Variants in PSTPIP1 observed in about 807,000 individuals in gnomAD.
The protein encoded by PSTPIP1 is proline-serine-threonine phosphatase-interacting protein 1.
In PSTPIP1, 66 loss-of-function variants were observed where a neutral mutation model predicts 69.6. That is an observed-to-expected ratio of 0.95 (90% CI 0.78 to 1.16). The LOEUF (loss-of-function observed/expected upper bound fraction) is 1.16, where lower values mean the gene tolerates loss of function less well. Ranked by LOEUF, PSTPIP1 falls within the 50% of genes most tolerant of loss-of-function variation. The pLI, the probability that PSTPIP1 is intolerant of heterozygous loss-of-function variation, is 0.00. For missense variants in PSTPIP1, 603 were observed against 557.4 expected, an observed-to-expected ratio of 1.08 and a Z score of -0.82; for synonymous variants, 266 against 222.7, an observed-to-expected ratio of 1.19 and a Z score of -1.73.
At chr15:77,025,213 C>G in intron 3 of PSTPIP1, 71 bp from the exon 4 acceptor site, 2 of 1,513,558 alleles carry the variant, frequency 1.3e-6, no homozygotes, top group Non-Finnish European at 1.8e-6. Context: ...CCCACCCCGC[C>G]GGGAGGCAGC....
At chr15:76,995,008 A>T, upstream of PSTPIP1, 1 of 1,184,712 alleles carries the variant, frequency 8.4e-7, no homozygotes, top group Non-Finnish European at 1.1e-6. Flanking sequence ...GCACCTCGGG[A>T]GGGGGCAAGC....
At position 77,018,201 on chromosome 15, in the gene PSTPIP1, G is replaced by C; in HGVS notation, c.90G>C (p.Leu30=). 6.3e-7 allele frequency: 1 copy of C among 1,590,038 alleles called. No homozygotes were observed. The highest frequency in any genetic ancestry group is 8.6e-7 in the Non-Finnish European group (1 of 1,169,280). The change falls in exon 2 of 15, where the codon CTG becomes CTC. Residue 30 remains leucine (L), a synonymous_variant. Coordinates refer to ENST00000558012, the MANE Select transcript of PSTPIP1 (RefSeq NM_003978.5). The part of the protein sequence containing the change: ...TGYEVLLQRL[L]DGRKMCKDME... ...ACGAGGTGCTGCTGCAGCGGCTTCT[G>C]GATGGCAGGAAGATGTGCAAAGACA... is the stretch of plus-strand genomic sequence containing the variant.
At chr15:77,032,524 G>A in intron 11 of PSTPIP1, 130 bp downstream of exon 11, 2 of 1,008,988 alleles carry the variant, frequency 2.0e-6, no homozygotes, top group African/African-American at 1.6e-5. Context: ...AGAAGCCCTA[G>A]CAGGGGTTGT....
At chr15:77,004,702 G>A (rs2075780171) in intron 1 of PSTPIP1, among the ~76,000 whole-genome samples, 2 of 117,920 alleles carry the variant, frequency 1.7e-5, no homozygotes, top group South Asian at 5.5e-4. Context: ...AAAAAAAAAA[G>A]TACAAAAATT....
In PSTPIP1 at chr15:77,030,581, G is replaced by C. The variant is rs2076390591; in HGVS notation, c.642G>C (p.Glu214Asp). 6.3e-7 allele frequency: 1 copy of C among 1,596,956 alleles called. No homozygotes were observed. The highest frequency in any genetic ancestry group is 8.6e-7 in the Non-Finnish European group (1 of 1,166,898). Residue 214 changes from glutamate (E) to aspartate (D), a missense_variant and splice_region_variant, in exon 9 of 15, where the codon GAG becomes GAC. Coordinates refer to ENST00000558012, the MANE Select transcript of PSTPIP1 (RefSeq NM_003978.5). Reference sequence around the variant, plus strand: ...AGCAGGAGCACCGGACCACCTGTGAGGTGAGTGGCCCACGTGGAGCCTCGT... The same window carrying C: ...AGCAGGAGCACCGGACCACCTGTGACGTGAGTGGCCCACGTGGAGCCTCGT... ...EWEQEHRTTC[E>D]AFQLQEFDRL... is the part of the protein sequence containing the mutation.
rs750572947 is a variant in PSTPIP1, at chr15:77,037,147, G to A, written c.1222G>A (p.Val408Ile). 6.3e-5 allele frequency: 101 copies of A among 1,611,014 alleles called. 1 individual carries two copies. Among genetic ancestry groups the A allele is most frequent in the South Asian group, 5.7e-4 (52 of 90,928 alleles). ...GGAGAGGAACGGGCAGCGTGGCTTC[G>A]TCCCTGGTTCCTACCTGGAGAAGCT... ...TVERNGQRGF[V>I]PGSYLEKL The change falls in exon 15 of 15, where the codon GTC (valine) becomes ATC (isoleucine). Residue 408 changes from valine (V) to isoleucine (I), a missense_variant. Physicochemically the swap from Val to Ile is conservative, Grantham distance 29. Coordinates refer to ENST00000558012, the MANE Select transcript of PSTPIP1 (RefSeq NM_003978.5).
intron 1 of PSTPIP1, among the ~76,000 whole-genome samples, chr15:77,005,308 C>A (rs1368642893): frequency 6.6e-6 from 1 of 152,150 alleles, no homozygotes; most frequent in African/African-American, 2.4e-5. Flanking sequence ...ATTGCTTGAA[C>A]CTGGGAGGCA....
Position 77,030,668 on chromosome 15 carries a change from T to C in PSTPIP1, c.642+87T>C, listed in dbSNP as rs2469237. The C allele has an allele frequency of 1, 1,324,926 of 1,329,206 alleles. 660,432 individuals are homozygous for C. The highest frequency in any genetic ancestry group is 1 in the East Asian group (39,768 of 39,768). The allele number at this position is 1,329,206 out of a possible 1,614,324, so 82.3% of individuals were successfully genotyped here. ...CTCCAGCTGCTTAAAGGGGCCCAAG[T>C]GAGGCAGTTGGGGAAGGTACCTGTT... is the stretch of plus-strand genomic sequence containing the variant. On this transcript the variant is annotated intron_variant, in intron 9 of 14. Coordinates refer to ENST00000558012, the MANE Select transcript of PSTPIP1 (RefSeq NM_003978.5).
In PSTPIP1 at chr15:77,029,568, G is replaced by A. The variant is rs769455506; in HGVS notation, c.556G>A (p.Glu186Lys). 7.6e-6 allele frequency: 12 copies of A among 1,580,492 alleles called. No homozygotes were observed. The highest frequency in any genetic ancestry group is 4.1e-5 in the African/African-American group (3 of 74,072). The change falls in exon 8 of 15, where the codon GAG becomes AAG. Residue 186 changes from glutamate to lysine, a missense_variant. Physicochemically the swap from Glu to Lys is moderately conservative, Grantham distance 56 (BLOSUM62 1). Coordinates refer to ENST00000558012, the MANE Select transcript of PSTPIP1 (RefSeq NM_003978.5). ...CAGGCAGTGCAAGGACTCGGCCACC[G>A]AGGCAGGTATGTGGGCCTGGCTGCC... ...KARQCKDSAT[E>K]AERVYRQSIA...
rs1376991615 is a variant in PSTPIP1, at chr15:77,035,857, C to T, written c.1041C>T (p.Ala347=). ...AGCGGAATGAGGGTGTCTACACAGC[C>T]ATCGCAGTGCAGGAGATACAGGGAA... The part of the protein sequence containing the change: ...TPERNEGVYT[A]IAVQEIQGNP... Residue 347 remains alanine (A), a synonymous_variant, in exon 14 of 15, where the codon GCC becomes GCT. Coordinates refer to ENST00000558012, the MANE Select transcript of PSTPIP1 (RefSeq NM_003978.5). The T allele has an allele frequency of 6.2e-7, 1 of 1,610,798 alleles. No homozygotes were observed. Among genetic ancestry groups the T allele is most frequent in the Admixed American group, 1.7e-5 (1 of 59,952 alleles).
chr15:77,031,419 T>C (rs2152688367), intron 10 of PSTPIP1, 141 bp downstream of exon 10: 3 of 831,480 alleles, frequency 3.6e-6, no homozygotes, highest in East Asian at 2.7e-5. Context: ...CCTCAGCAGC[T>C]CAGCCTTTGC....
rs756411737 is a variant in PSTPIP1 at position 77,032,904 on chromosome 15, C to T, written c.881C>T (p.Pro294Leu). The T allele has an allele frequency of 1.2e-5, 20 of 1,604,536 alleles. No individual in the cohort carries two copies. The highest frequency in any genetic ancestry group is 8.9e-5 in the South Asian group (8 of 89,520). Residue 294 changes from proline (P) to leucine (L), a missense_variant, in exon 12 of 15, where the codon CCG becomes CTG. By Grantham distance (98) the Pro-to-Leu change is moderately conservative. Transcript: ENST00000558012. Reference sequence around the variant, plus strand: ...AACTATTACGATCGGGAGGTCACCCCGCTGACCAGCAGCCCTGGCATACAG... The same window carrying T: ...AACTATTACGATCGGGAGGTCACCCTGCTGACCAGCAGCCCTGGCATACAG... Reference protein sequence around the residue: ...YQNYYDREVTPLTSSPGIQPS... With the variant: ...YQNYYDREVTLLTSSPGIQPS...
intron 3 of PSTPIP1, among the ~76,000 whole-genome samples, chr15:77,020,757 G>C (rs2076142375): frequency 1.3e-5 from 2 of 152,048 alleles, no homozygotes; most frequent in Non-Finnish European, 2.9e-5. Flanking sequence ...TTGCCTTACT[G>C]TCAGAGTCTT....
chr15:77,027,970 G>C lies in PSTPIP1; in HGVS notation c.417+56G>C. The C allele has an allele frequency of 6.9e-7, 1 of 1,454,410 alleles. No homozygotes were observed. The highest frequency in any genetic ancestry group is 9.4e-7 in the Non-Finnish European group (1 of 1,061,034). 90.1% of individuals were successfully genotyped at this position (1,454,410 alleles called of 1,614,324 possible). Reference sequence around the variant, plus strand: ...CCCTCGAGGAGCAGCGCAGGTCTCAGGGTGCGATCCTGGGCTGTGGCCCCG... The same window carrying C: ...CCCTCGAGGAGCAGCGCAGGTCTCACGGTGCGATCCTGGGCTGTGGCCCCG... On this transcript the variant is annotated intron_variant, in intron 6 of 14. Transcript: ENST00000558012. This position sits in a 1 kb window ranked among gnomAD's most constrained non-coding sequence, Gnocchi z 4.3.
chr15:77,001,561 T>A (rs1165433387), intron 1 of PSTPIP1, among the ~76,000 whole-genome samples: 1 of 152,018 alleles, frequency 6.6e-6, no homozygotes, highest in Non-Finnish European at 1.5e-5. Flanking sequence ...GTGCAGGAGG[T>A]GGGAGAGAGA....
chr15:77,025,694 G>C, intron 5 of PSTPIP1, 90 bp downstream of exon 5: 9 of 842,654 alleles, frequency 1.1e-5, no homozygotes, highest in African/African-American at 1.7e-5. Flanking sequence ...TCCTGGTAGA[G>C]CCAGTGGAGG....
At position 77,035,940 on chromosome 15, in the gene PSTPIP1, G is replaced by A. The variant is rs756068066; in HGVS notation, c.1119+5G>A. 2.5e-5 allele frequency: 40 copies of A among 1,592,718 alleles called. No individual in the cohort carries two copies. Among genetic ancestry groups the A allele is most frequent in the Admixed American group, 1.0e-4 (6 of 57,318 alleles). On this transcript the variant is annotated splice_donor_5th_base_variant and intron_variant, in intron 14 of 14. Transcript: ENST00000558012. ...CTCTACGATTATACAGCGCAGGTGAGGCCTCTATACCCCAAACCCACCTGT... is the reference window on the plus strand; with the variant it reads ...CTCTACGATTATACAGCGCAGGTGAAGCCTCTATACCCCAAACCCACCTGT...
intron 1 of PSTPIP1, among the ~76,000 whole-genome samples, chr15:77,002,171 CTG>C (rs982483240): frequency 3.3e-5 from 5 of 152,212 alleles, no homozygotes; most frequent in African/African-American, 1.2e-4. Context: ...CTTCCTGACT[CTG>C]TGATGGGACC....
At chr15:77,013,232 G>A (rs1158179439) in intron 1 of PSTPIP1, among the ~76,000 whole-genome samples, 2 of 152,076 alleles carry the variant, frequency 1.3e-5, no homozygotes, top group East Asian at 1.9e-4. Context: ...TCATCTTCAG[G>A]TGTAACCCAA....
Sources: gnomAD v4.1 joint callset for allele counts (sites outside exome capture counted in the v4.1 genomes callset) on GRCh38, gnomAD v4.1.1 for gene constraint, Gnocchi (gnomAD v3.1) non-coding constraint, MANE v1.5 for transcripts, NCBI Gene and HGNC (gene_info 2026-07-23, HGNC 2026-07-21) for gene names.